Variants in ADGRL3 observed in about 807,000 individuals in gnomAD.
ADGRL3 encodes adhesion G protein-coupled receptor L3, also known as calcium-independent alpha-latrotoxin receptor 3.
In ADGRL3, 62 loss-of-function variants were observed where a neutral mutation model predicts 153.5. The ratio of observed to expected loss-of-function variants is 0.40; its 90% CI spans 0.33 to 0.50. The LOEUF (loss-of-function observed/expected upper bound fraction) is 0.50. Ranked by LOEUF, ADGRL3 falls within the 20% of genes least tolerant of loss-of-function variation. The probability of loss-of-function intolerance (pLI) is 0.47; values close to 1 mark genes in which losing one functional copy is unlikely to be tolerated. For synonymous variants in ADGRL3, 710 were observed against 672.5 expected (o/e 1.06, Z -0.86); for missense variants, 1,641 against 1,859.4 (o/e 0.88, Z 2.16).
intron 21 of ADGRL3, among the ~76,000 whole-genome samples, chr4:62,018,799 A>G (rs1404438437): frequency 1.3e-5 from 2 of 152,172 alleles, no homozygotes; most frequent in Admixed American, 6.6e-5. Flanking sequence ...GGAAGAATTC[A>G]GGCACTGGGG....
chr4:61,466,002 A>T (rs1304116946), intron 2 of ADGRL3, among the ~76,000 whole-genome samples: 2 of 151,654 alleles, frequency 1.3e-5, no homozygotes, highest in Non-Finnish European at 2.9e-5. Flanking sequence ...TGTACTTGTA[A>T]TCCCAGCTAC....
intron 2 of ADGRL3, chr4:61,420,553 C>A (rs2152330434): frequency 6.6e-6 from 1 of 151,664 alleles, no homozygotes; most frequent in East Asian, 2.0e-4. Context: ...ACCACAGGCG[C>A]CCGCCACCAC....
chr4:61,307,582 C>T (rs979142414), intron 1 of ADGRL3, among the ~76,000 whole-genome samples: 1 of 152,028 alleles, frequency 6.6e-6, no homozygotes, highest in Non-Finnish European at 1.5e-5. Flanking sequence ...GTTATTCACT[C>T]TGTGACAGAT....
chr4:62,027,266 T>C (rs936975655), intron 21 of ADGRL3, among the ~76,000 whole-genome samples: 1 of 152,068 alleles, frequency 6.6e-6, no homozygotes, highest in Non-Finnish European at 1.5e-5. Flanking sequence ...CACACATCCA[T>C]GGCATTATTC....
At chr4:61,734,080 G>GTT (rs1281610437) in intron 8 of ADGRL3, among the ~76,000 whole-genome samples, 9 of 152,124 alleles carry the variant, frequency 5.9e-5, no homozygotes, top group African/African-American at 2.2e-4. Flanking sequence ...TGTATGTTGA[G>GTT]AAAAATGTTC....
intron 4 of ADGRL3, among the ~76,000 whole-genome samples, chr4:61,561,995 C>A (rs556351926): frequency 6.6e-6 from 1 of 151,808 alleles, no homozygotes; most frequent in Admixed American, 6.6e-5. Flanking sequence ...ATATCTATAT[C>A]TATATGTGCA....
At chr4:61,370,761 C>T (rs938498687) in intron 1 of ADGRL3, among the ~76,000 whole-genome samples, 1 of 152,038 alleles carries the variant, frequency 6.6e-6, no homozygotes, top group African/African-American at 2.4e-5. Flanking sequence ...TGGTGCAGAG[C>T]TGAGTTCAAT....
intron 9 of ADGRL3, among the ~76,000 whole-genome samples, chr4:61,860,514 G>C (rs553735952): frequency 2.6e-5 from 4 of 151,882 alleles, no homozygotes; most frequent in Non-Finnish European, 5.9e-5. Flanking sequence ...TCTCTGGATC[G>C]GTGTGGAGTA....
intron 2 of ADGRL3, among the ~76,000 whole-genome samples, chr4:61,486,203 C>A (rs2098191851): frequency 6.6e-6 from 1 of 152,082 alleles, no homozygotes; most frequent in Admixed American, 6.5e-5. Context: ...CTCGGCCTCC[C>A]AAAGTGCTGG....
At chr4:61,990,414 G>T (rs543880968) in intron 19 of ADGRL3, among the ~76,000 whole-genome samples, 1 of 152,020 alleles carries the variant, frequency 6.6e-6, no homozygotes, top group African/African-American at 2.4e-5. Flanking sequence ...GTGGGAGGTT[G>T]AAAATGGGGA....
chr4:61,777,577 T>A (rs570944012), intron 8 of ADGRL3, among the ~76,000 whole-genome samples: 1 of 152,252 alleles, frequency 6.6e-6, no homozygotes, highest in South Asian at 2.1e-4. Flanking sequence ...AACACAGGAC[T>A]GATAGTTCAC....
chr4:61,922,715 T>G (rs968626011), intron 13 of ADGRL3, among the ~76,000 whole-genome samples: 7 of 152,192 alleles, frequency 4.6e-5, no homozygotes, highest in African/African-American at 1.4e-4. Context: ...ATTCATTCAA[T>G]CAGGCAGTAT....
rs537552498 is a variant in ADGRL3 at position 61,730,777 on chromosome 4, C to T, written c.598+141C>T. 3.7e-5 allele frequency: 10 copies of T among 270,530 alleles called. No homozygotes were observed. In the South Asian group the frequency reaches 1.6e-3, roughly 42 times the overall value. The allele number at this position is 270,530 out of a possible 1,614,324, so 16.8% of individuals were successfully genotyped here. A position where few individuals can be genotyped will look rare whatever the true frequency, so the allele number is the denominator to read the frequency against. The stretch of plus-strand genomic sequence containing the variant: ...TTACTACTTCTGCTGCTCAACTTCA[C>T]TTTAATCTGTATTACTGACAAGAGT... On this transcript the variant is annotated intron_variant, in intron 7 of 26. Transcript: ENST00000683033.
intron 1 of ADGRL3, among the ~76,000 whole-genome samples, chr4:61,268,003 A>G (rs1206290158): frequency 6.6e-6 from 1 of 151,702 alleles, no homozygotes; most frequent in Admixed American, 6.6e-5. Context: ...GGAAGGAAAA[A>G]TAGATATCTG....
At chr4:61,551,279 A>G (rs1258419232) in intron 4 of ADGRL3, among the ~76,000 whole-genome samples, 1 of 152,138 alleles carries the variant, frequency 6.6e-6, no homozygotes, top group African/African-American at 2.4e-5. Flanking sequence ...TCAAATGCAT[A>G]GTGATTTTTA....
chr4:61,397,125 A>G (rs2096877543), intron 2 of ADGRL3, among the ~76,000 whole-genome samples: 1 of 151,888 alleles, frequency 6.6e-6, no homozygotes, highest in Non-Finnish European at 1.5e-5. Context: ...ATATCATCAA[A>G]TTTTATGACA....
intron 6 of ADGRL3, among the ~76,000 whole-genome samples, chr4:61,698,090 C>G (rs1373238500): frequency 6.6e-6 from 1 of 152,022 alleles, no homozygotes; most frequent in African/African-American, 2.4e-5. Flanking sequence ...GCACCAATAC[C>G]AAAACATACT....
intron 1 of ADGRL3, among the ~76,000 whole-genome samples, chr4:61,240,187 A>G (rs1231161117): frequency 1.3e-5 from 2 of 152,066 alleles, no homozygotes; most frequent in African/African-American, 4.8e-5. Context: ...AAGGGTGAAT[A>G]CTGTATCCTC....
chr4:61,490,665 T>G (rs2098248177), intron 2 of ADGRL3, among the ~76,000 whole-genome samples: 1 of 149,868 alleles, frequency 6.7e-6, no homozygotes. Flanking sequence ...TTCATACTTA[T>G]TTAATATAAG....
Sources: gnomAD v4.1 joint callset for allele counts (sites outside exome capture counted in the v4.1 genomes callset) on GRCh38, gnomAD v4.1.1 for gene constraint, MANE v1.5 for transcripts, NCBI Gene and HGNC (gene_info 2026-07-23, HGNC 2026-07-21) for gene names.